ROBO2: variants seen among roughly 807,000 people sequenced by gnomAD.
ROBO2 encodes roundabout guidance receptor 2, also known as roundabout homolog 2.
ROBO2 carries 53 observed loss-of-function variants against 160.8 expected under a neutral mutation model. That is an observed-to-expected ratio of 0.33 (90% CI 0.26 to 0.41). ROBO2 has a LOEUF of 0.41. Among genes scored for constraint, ROBO2 ranks in the 10% least tolerant of loss-of-function variants. The pLI is 1.00. For synonymous variants in ROBO2, 664 were observed against 611.7 expected, an observed-to-expected ratio of 1.09 and a Z score of -1.26; for missense variants, 1,577 against 1,722.4, an observed-to-expected ratio of 0.92 and a Z score of 1.49.
At chr3:77,528,004 G>T (rs2091329749) in intron 6 of ROBO2, among the ~76,000 whole-genome samples, 1 of 151,416 alleles carries the variant, frequency 6.6e-6, no homozygotes, top group South Asian at 2.1e-4. Context: ...GAGTGTTTGT[G>T]GTTTTAATAT....
intron 5 of ROBO2, among the ~76,000 whole-genome samples, chr3:77,514,003 C>A (rs1039695339): frequency 1.3e-4 from 19 of 151,842 alleles, no homozygotes; most frequent in Admixed American, 3.9e-4. Context: ...ATGAAAATCA[C>A]CAAATTTCTG....
intron 21 of ROBO2, among the ~76,000 whole-genome samples, chr3:77,611,562 A>T (rs1318904537): frequency 6.6e-6 from 1 of 152,182 alleles, no homozygotes; most frequent in Non-Finnish European, 1.5e-5. Context: ...TTTAGGAGAT[A>T]TACCCAGCTA....
chr3:77,346,021 A>C (rs900688827), intron 2 of ROBO2, among the ~76,000 whole-genome samples: 2 of 152,104 alleles, frequency 1.3e-5, no homozygotes, highest in Non-Finnish European at 2.9e-5. Flanking sequence ...TTATTGTGCT[A>C]ATTTTAGTAA....
chr3:76,252,063 C>T (rs1706037728), intron 2 of ROBO2, among the ~76,000 whole-genome samples: 1 of 151,932 alleles, frequency 6.6e-6, no homozygotes, highest in Non-Finnish European at 1.5e-5. Flanking sequence ...TGAAATGTCA[C>T]CCACAGGTAG....
chr3:77,288,345 T>C (rs985715874), intron 2 of ROBO2, among the ~76,000 whole-genome samples: 7 of 152,120 alleles, frequency 4.6e-5, no homozygotes, highest in Non-Finnish European at 8.8e-5. Context: ...TGTAGAGTAG[T>C]TGATGTGTTA....
rs540094479 is a variant in ROBO2, at chr3:77,170,180, A to T, written c.388+71840A>T. On this transcript the variant is annotated intron_variant, in intron 2 of 25. Coordinates refer to ENST00000461745, the Ensembl canonical transcript of ROBO2. ...CATTCTCATATGCTGCCTAGGTGGT[A>T]TTATCTGGGTGGCTGCCCATATATT... Among the ~76,000 whole-genome samples, 11 of 152,198 alleles carry T rather than the reference A, an allele frequency of 7.2e-5. No homozygotes were observed. The South Asian group carries it at 2.3e-3, about 32-fold the overall frequency.
chr3:76,546,040 A>G (rs1015009692), intron 2 of ROBO2, among the ~76,000 whole-genome samples: 4 of 151,980 alleles, frequency 2.6e-5, no homozygotes, highest in South Asian at 4.1e-4. Context: ...GTTCCCATCC[A>G]CAGTTTTATT....
At chr3:76,127,926 C>T (rs930597101) in intron 2 of ROBO2, among the ~76,000 whole-genome samples, 1 of 137,174 alleles carries the variant, frequency 7.3e-6, no homozygotes, top group African/African-American at 2.7e-5. Context: ...GACGAAGTCC[C>T]ACTCTGTCAC....
chr3:77,317,166 C>T, intron 2 of ROBO2: 1 of 989,724 alleles, frequency 1.0e-6, no homozygotes, highest in Non-Finnish European at 1.6e-6. Context: ...GCCAGCCAGC[C>T]CTGTAACCCG....
intron 2 of ROBO2, among the ~76,000 whole-genome samples, chr3:76,900,996 A>G (rs1440860390): frequency 6.6e-6 from 1 of 152,200 alleles, no homozygotes; most frequent in Non-Finnish European, 1.5e-5. Flanking sequence ...AATAAATTAA[A>G]TATTGTACAA....
intron 2 of ROBO2, among the ~76,000 whole-genome samples, chr3:75,994,427 G>T (rs1279629859): frequency 6.6e-6 from 1 of 152,108 alleles, no homozygotes; most frequent in African/African-American, 2.4e-5. Flanking sequence ...GAATCAGGAG[G>T]GTGGTTTTCC....
chr3:76,618,636 C>T (rs2088791875), intron 2 of ROBO2, among the ~76,000 whole-genome samples: 1 of 151,532 alleles, frequency 6.6e-6, no homozygotes, highest in African/African-American at 2.4e-5. Flanking sequence ...TAGTGTTTAG[C>T]TTTCTCATAT....
At chr3:77,087,003 CACAT>C (rs2069414081) in intron 1 of ROBO2, among the ~76,000 whole-genome samples, 1 of 152,106 alleles carries the variant, frequency 6.6e-6, no homozygotes, top group Non-Finnish European at 1.5e-5. Flanking sequence ...GCTTAGCACA[CACAT>C]GCATAAAATA....
intron 8 of ROBO2, among the ~76,000 whole-genome samples, chr3:77,551,771 G>A (rs541853792): frequency 1.3e-5 from 2 of 152,088 alleles, no homozygotes; most frequent in Non-Finnish European, 2.9e-5. Context: ...AGATACAAGT[G>A]CTTTGGTCTG....
intron 2 of ROBO2, among the ~76,000 whole-genome samples, chr3:77,150,377 C>A (rs1300165858): frequency 3.3e-5 from 5 of 152,112 alleles, no homozygotes; most frequent in Non-Finnish European, 7.4e-5. Context: ...AAGAAAAATT[C>A]TTTATAGCAA....
intron 2 of ROBO2, among the ~76,000 whole-genome samples, chr3:76,037,691 C>T (rs370694251): frequency 6.6e-6 from 1 of 151,904 alleles, no homozygotes; most frequent in South Asian, 2.1e-4. Flanking sequence ...TCCCCTGCCC[C>T]CTTGAAACTC....
At chr3:77,457,450 G>A (rs1352465013) in intron 2 of ROBO2, among the ~76,000 whole-genome samples, 2 of 151,912 alleles carry the variant, frequency 1.3e-5, no homozygotes, top group Admixed American at 6.6e-5. Flanking sequence ...AGAAATTTGA[G>A]CGTAGCGAAA....
At chr3:76,489,202 C>T (rs1041103102) in intron 2 of ROBO2, among the ~76,000 whole-genome samples, 7 of 134,716 alleles carry the variant, frequency 5.2e-5, no homozygotes, top group East Asian at 2.2e-4. Context: ...TAAAACATTT[C>T]TCAGTGGCTC....
intron 2 of ROBO2, among the ~76,000 whole-genome samples, chr3:77,467,741 A>C (rs867441616): frequency 2.0e-5 from 3 of 150,366 alleles, no homozygotes; most frequent in African/African-American, 7.3e-5. Context: ...CCATCTTAAA[A>C]AGCACTAATA....
Sources: gnomAD v4.1 joint callset for allele counts (sites outside exome capture counted in the v4.1 genomes callset) on GRCh38, gnomAD v4.1.1 for gene constraint, MANE v1.5 for transcripts, NCBI Gene and HGNC (gene_info 2026-07-23, HGNC 2026-07-21) for gene names.